The following PLEKHH2 variants were observed in gnomAD, a reference collection of about 807,000 sequenced individuals.
PLEKHH2 encodes the protein pleckstrin homology domain-containing family H member 2.
Under a neutral mutation model 187.9 loss-of-function variants are expected in PLEKHH2, and 129 were observed. The ratio of observed to expected loss-of-function variants is 0.69; its 90% CI spans 0.59 to 0.79. The LOEUF is 0.79. Among genes scored for constraint, PLEKHH2 ranks in the 30% least tolerant of loss-of-function variants. The pLI, the probability that PLEKHH2 is intolerant of heterozygous loss-of-function variation, is 0.00. For synonymous variants in PLEKHH2, 686 were observed against 605.6 expected, an observed-to-expected ratio of 1.13 and a Z score of -1.95; for missense variants, 2,076 against 1,751.2, an observed-to-expected ratio of 1.19 and a Z score of -3.31.
chr2:43,730,576 A>G (rs1376754207), intron 18 of PLEKHH2, among the ~76,000 whole-genome samples: 1 of 151,964 alleles, frequency 6.6e-6, no homozygotes, highest in Non-Finnish European at 1.5e-5. Context: ...TTTTTGTATC[A>G]TTGGCAGAGA....
intron 19 of PLEKHH2, among the ~76,000 whole-genome samples, chr2:43,732,691 G>A: frequency 6.6e-6 from 1 of 151,922 alleles, no homozygotes; most frequent in Admixed American, 6.6e-5. Flanking sequence ...TGAACCATTA[G>A]CTTTTTTTAA....
intron 2 of PLEKHH2, among the ~76,000 whole-genome samples, chr2:43,649,206 AAT>A (rs1666350477): frequency 6.6e-6 from 1 of 152,202 alleles, no homozygotes; most frequent in African/African-American, 2.4e-5. Context: ...TAGTATGCCA[AAT>A]ATAAACTCTT....
At chr2:43,706,193 C>T (rs1050737182) in intron 9 of PLEKHH2, 129 bp from the exon 10 acceptor site, 178 of 702,306 alleles carry the variant, frequency 2.5e-4, no homozygotes, top group Non-Finnish European at 3.8e-4. Context: ...GTAGACTATA[C>T]AGTTAGTAAT....
chr2:43,761,039 C>T (rs896640548), intron 27 of PLEKHH2, among the ~76,000 whole-genome samples: 6 of 152,218 alleles, frequency 3.9e-5, no homozygotes, highest in Admixed American at 3.9e-4. Flanking sequence ...TATCCATTCA[C>T]CTGTCAGTGG....
intron 25 of PLEKHH2, among the ~76,000 whole-genome samples, chr2:43,754,159 ATCT>A (rs1253726870): frequency 2.8e-4 from 38 of 135,022 alleles, no homozygotes; most frequent in African/African-American, 1.1e-3. Flanking sequence ...ATTAAGTTCA[ATCT>A]TCTACACACA....
chr2:43,644,872 G>A, intron 2 of PLEKHH2, 76 bp downstream of exon 2: 1 of 1,385,642 alleles, frequency 7.2e-7, no homozygotes, highest in African/African-American at 1.5e-5. Context: ...AATAATCTCA[G>A]TACTTTGGGG....
chr2:43,720,072 A>G (rs1372405163), intron 15 of PLEKHH2, among the ~76,000 whole-genome samples: 4 of 152,194 alleles, frequency 2.6e-5, no homozygotes, highest in African/African-American at 4.8e-5. Flanking sequence ...TGATTCTGTC[A>G]GAGCTTTTAG....
intron 3 of PLEKHH2, chr2:43,680,543 T>C (rs768391936): frequency 1.1e-4 from 17 of 156,914 alleles, no homozygotes; most frequent in Admixed American, 2.0e-4. Context: ...CTACCAAATC[T>C]TTTTCCTTTT....
chr2:43,719,939 T>G (rs537827175), intron 15 of PLEKHH2, among the ~76,000 whole-genome samples: 1 of 152,322 alleles, frequency 6.6e-6, no homozygotes, highest in East Asian at 1.9e-4. Context: ...ACATGGCTAT[T>G]GGAAATCTGT....
At chr2:43,739,750 G>A (rs998184708) in intron 20 of PLEKHH2, among the ~76,000 whole-genome samples, 10 of 152,058 alleles carry the variant, frequency 6.6e-5, no homozygotes, top group African/African-American at 2.2e-4. Context: ...GAATAAATTC[G>A]CCCCATCCTT....
intron 20 of PLEKHH2, 48 bp from the exon 21 acceptor site, chr2:43,740,898 C>A (rs376313084): frequency 4.4e-6 from 7 of 1,599,036 alleles, no homozygotes; most frequent in Admixed American, 1.7e-5. Flanking sequence ...AGATGTGGAT[C>A]TCTGACTGGC....
chr2:43,677,544 G>T (rs1055677913), intron 2 of PLEKHH2, among the ~76,000 whole-genome samples: 2 of 151,792 alleles, frequency 1.3e-5, no homozygotes, highest in Non-Finnish European at 2.9e-5. Flanking sequence ...GGATCCCAAG[G>T]CAGAAGAATT....
In PLEKHH2 at chr2:43,738,494, C is replaced by T. The variant is rs1671406017; in HGVS notation, c.3097C>T (p.Pro1033Ser). 1 of 1,612,618 alleles carries T rather than the reference C, an allele frequency of 6.2e-7. No homozygotes were observed. The highest frequency in any genetic ancestry group is 8.5e-7 in the Non-Finnish European group (1 of 1,179,024). The change falls in exon 20 of 30, where the codon CCA becomes TCA. Residue 1033 changes from proline to serine, a missense_variant. Physicochemically the swap from Pro to Ser is moderately conservative, Grantham distance 74. Coordinates refer to ENST00000282406, the MANE Select transcript of PLEKHH2 (RefSeq NM_172069.4). ...TATTAAACAGACAAGACGAAGACAG[C>T]CACAGAATCAACCAGGACCATTGCA... The part of the protein sequence containing the change: ...QLIKQTRRRQ[P>S]QNQPGPLQGW...
At chr2:43,747,448 G>C (rs1307757566) in intron 24 of PLEKHH2, among the ~76,000 whole-genome samples, 1 of 152,134 alleles carries the variant, frequency 6.6e-6, no homozygotes, top group Non-Finnish European at 1.5e-5. Context: ...AAAATGCATA[G>C]AAAAGAATGT....
intron 24 of PLEKHH2, among the ~76,000 whole-genome samples, chr2:43,748,405 C>G (rs1383206794): frequency 6.6e-6 from 1 of 152,188 alleles, no homozygotes; most frequent in Non-Finnish European, 1.5e-5. Context: ...CTGGGAAGGA[C>G]AGCAGGCTAG....
chr2:43,730,860 C>T (rs1487311919), intron 18 of PLEKHH2, among the ~76,000 whole-genome samples: 1 of 152,214 alleles, frequency 6.6e-6, no homozygotes, highest in Non-Finnish European at 1.5e-5. Context: ...ATCTTTATAT[C>T]TCTTTCTACT....
intron 11 of PLEKHH2, among the ~76,000 whole-genome samples, 160 bp from the exon 12 acceptor site, chr2:43,709,830 G>C (rs1669860558): frequency 6.6e-6 from 1 of 152,132 alleles, no homozygotes; most frequent in African/African-American, 2.4e-5. Flanking sequence ...GCGAGACTCT[G>C]TCTCAAAAAA....
At position 43,726,260 on chromosome 2, in the gene PLEKHH2, T is replaced by C; in HGVS notation, c.2542-12T>C. ...AAAATGCCTTCCTCACAATTACTAATATTTACTTTAGTTTCCTTTAGGTCA... is the reference window on the plus strand; with the variant it reads ...AAAATGCCTTCCTCACAATTACTAACATTTACTTTAGTTTCCTTTAGGTCA... On this transcript the variant is annotated splice_polypyrimidine_tract_variant and intron_variant, in intron 16 of 29. Transcript: ENST00000282406. The C allele has an allele frequency of 6.4e-7, 1 of 1,570,288 alleles. No homozygotes were observed. The highest frequency in any genetic ancestry group is 8.7e-7 in the Non-Finnish European group (1 of 1,145,306).
In PLEKHH2 at chr2:43,762,389, TG is replaced by T; in HGVS notation, c.4158+1del. 1 of 1,602,900 alleles carries T rather than the reference TG, an allele frequency of 6.2e-7. No homozygotes were observed. Among genetic ancestry groups the T allele is most frequent in the South Asian group, 1.1e-5 (1 of 90,814 alleles). ...TTAAGCCTCTTAGAATACAACTCCA[TG>T]GTAAGTTTAAACGCTCAAGTTTTGC... ...DGLSLLEYNS[M>X]RLIVSYVYKS... On this transcript the variant is annotated frameshift_variant and splice_region_variant, in exon 28 of 30. Coordinates refer to ENST00000282406, the MANE Select transcript of PLEKHH2 (RefSeq NM_172069.4). LOFTEE classifies it high-confidence loss of function.
Sources: gnomAD v4.1 joint callset for allele counts (sites outside exome capture counted in the v4.1 genomes callset) on GRCh38, gnomAD v4.1.1 for gene constraint, MANE v1.5 for transcripts, NCBI Gene and HGNC (gene_info 2026-07-23, HGNC 2026-07-21) for gene names.